The following ANXA8 variants were observed in gnomAD, a reference collection of about 807,000 sequenced individuals.
ANXA8 encodes VAC-beta.
Under a neutral mutation model 26.8 loss-of-function variants are expected in ANXA8, and 9 were observed. The ratio of observed to expected loss-of-function variants is 0.34; its 90% CI spans 0.20 to 0.59. The LOEUF (loss-of-function observed/expected upper bound fraction) is 0.59, where lower values mean the gene tolerates loss of function less well. Ranked by LOEUF, ANXA8 falls within the 20% of genes least tolerant of loss-of-function variation. The pLI is 0.84. For synonymous variants in ANXA8, 39 were observed against 94.8 expected (o/e 0.41, Z 3.42); for missense variants, 83 against 238.5 (o/e 0.35, Z 4.29).
the ANXA8 span, among the ~76,000 whole-genome samples, chr10:47,533,185 T>TCACACACACA: frequency 3.0e-3 from 304 of 102,420 alleles, 8 homozygotes; most frequent in African/African-American, 0.011. Context: ...TAAACACACA[T>TCACACACACA]CACACACACA....
chr10:47,944,611 G>C, the ANXA8 span, among the ~76,000 whole-genome samples: 2 of 150,582 alleles, frequency 1.3e-5, 1 homozygote, highest in South Asian at 4.2e-4. Context: ...TACTGTTCTC[G>C]TGATGCTGAA....
upstream of ANXA8, among the ~76,000 whole-genome samples, chr10:47,486,453 A>G (rs1840049237): frequency 7.2e-6 from 1 of 139,772 alleles, no homozygotes; most frequent in Admixed American, 7.3e-5. Flanking sequence ...CTTCCAGAAG[A>G]GCCCCTTCCT....
chr10:47,553,734 G>C, the ANXA8 span, among the ~76,000 whole-genome samples: 1 of 150,580 alleles, frequency 6.6e-6, no homozygotes, highest in Non-Finnish European at 1.5e-5. Context: ...CGCTGCCTCA[G>C]CTCCTGCTGT....
At chr10:47,952,504 C>T in the ANXA8 span, among the ~76,000 whole-genome samples, 4 of 149,392 alleles carry the variant, frequency 2.7e-5, 1 homozygote, top group African/African-American at 1.0e-4. Flanking sequence ...ATAATACTGT[C>T]TATAGTACCA....
chr10:47,672,904 C>T, the ANXA8 span, among the ~76,000 whole-genome samples: 2 of 151,554 alleles, frequency 1.3e-5, no homozygotes, highest in African/African-American at 4.9e-5. Flanking sequence ...AAAAACCCAT[C>T]GAAGAGCTGA....
chr10:47,982,314 C>A, the ANXA8 span, among the ~76,000 whole-genome samples: 855 of 150,688 alleles, frequency 5.7e-3, 3 homozygotes, highest in African/African-American at 0.019. Context: ...ACAAAACAAC[C>A]CCCCCAAACC....
the ANXA8 span, among the ~76,000 whole-genome samples, chr10:47,747,882 G>A: frequency 1.3e-5 from 2 of 151,838 alleles, no homozygotes; most frequent in African/African-American, 4.8e-5. Context: ...TACAATAATT[G>A]AAATTAACTA....
At chr10:47,939,356 G>C in the ANXA8 span, among the ~76,000 whole-genome samples, 9 of 141,200 alleles carry the variant, frequency 6.4e-5, no homozygotes, top group Admixed American at 3.5e-4. Flanking sequence ...ATGCGATTTG[G>C]GTCCTTGCAA....
the ANXA8 span, among the ~76,000 whole-genome samples, chr10:47,949,121 T>TCCACACAC: frequency 7.4e-5 from 1 of 13,572 alleles, no homozygotes; most frequent in African/African-American, 4.1e-4. Flanking sequence ...GCCAATTCCT[T>TCCACACAC]ACACACACAC....
upstream of ANXA8, chr10:47,484,202 A>G (rs1839969361): frequency 6.6e-6 from 5 of 758,608 alleles, no homozygotes; most frequent in East Asian, 2.7e-5. Flanking sequence ...ACTCACTGGC[A>G]GATATTTGGG....
At chr10:47,763,749 G>A in the ANXA8 span, among the ~76,000 whole-genome samples, 2 of 143,244 alleles carry the variant, frequency 1.4e-5, no homozygotes, top group Non-Finnish European at 1.5e-5. Context: ...AGTGGGGAGC[G>A]AAAGGAATGT....
At chr10:47,682,536 C>A in the ANXA8 span, among the ~76,000 whole-genome samples, 1 of 145,114 alleles carries the variant, frequency 6.9e-6, no homozygotes, top group Non-Finnish European at 1.5e-5. Context: ...GTGACGCGAT[C>A]TTGGCTCACT....
At chr10:47,646,136 A>G in the ANXA8 span, among the ~76,000 whole-genome samples, 3 of 148,110 alleles carry the variant, frequency 2.0e-5, no homozygotes, top group African/African-American at 5.3e-5. Context: ...ATCTGTCTCT[A>G]TCTCTATCTC....
the ANXA8 span, among the ~76,000 whole-genome samples, chr10:47,768,973 T>C: frequency 6.8e-6 from 1 of 147,308 alleles, no homozygotes; most frequent in Non-Finnish European, 1.5e-5. Flanking sequence ...GGATGTGGAA[T>C]GTGTACATAT....
chr10:47,563,773 C>G, the ANXA8 span: 3 of 775,340 alleles, frequency 3.9e-6, no homozygotes, highest in Non-Finnish European at 7.0e-6. Context: ...TAGAAATATA[C>G]CTTATCGGAA....
chr10:47,553,872 G>T, the ANXA8 span, among the ~76,000 whole-genome samples: 2 of 149,280 alleles, frequency 1.3e-5, no homozygotes, highest in Non-Finnish European at 3.0e-5. Flanking sequence ...TGGCCGCCCC[G>T]GAGTCACCGT....
chr10:47,570,778 G>T, the ANXA8 span, among the ~76,000 whole-genome samples: 25 of 150,108 alleles, frequency 1.7e-4, no homozygotes, highest in South Asian at 3.4e-3. Context: ...ATCTCAAGAA[G>T]AAAGAGAAAA....
chr10:47,570,699 G>A, the ANXA8 span, among the ~76,000 whole-genome samples: 1 of 150,720 alleles, frequency 6.6e-6, no homozygotes, highest in Non-Finnish European at 1.5e-5. Context: ...CTTAAGCCTG[G>A]GAGGTTGAGG....
chr10:47,620,804 G>T, the ANXA8 span, among the ~76,000 whole-genome samples: 3 of 108,000 alleles, frequency 2.8e-5, no homozygotes, highest in African/African-American at 1.1e-4. Context: ...TCCTGTAACA[G>T]GTTTCCTGTT....
Sources: gnomAD v4.1 joint callset for allele counts (sites outside exome capture counted in the v4.1 genomes callset) on GRCh38, gnomAD v4.1.1 for gene constraint, MANE v1.5 for transcripts, NCBI Gene and HGNC (gene_info 2026-07-23, HGNC 2026-07-21) for gene names.